Variants in PPP1R36 observed in about 807,000 individuals in gnomAD.
PPP1R36 encodes the protein chromosome 14 open reading frame 50.
A neutral mutation model predicts 53.4 loss-of-function variants in PPP1R36; 47 were observed. That is an observed-to-expected ratio of 0.88 (90% CI 0.70 to 1.12). The LOEUF (loss-of-function observed/expected upper bound fraction) is 1.12, where lower values mean the gene tolerates loss of function less well. PPP1R36 is among the 50% of genes most tolerant of loss of function. The pLI is 0.00. For synonymous variants in PPP1R36, 153 were observed against 170.5 expected (o/e 0.90, Z 0.80); for missense variants, 456 against 513.9 (o/e 0.89, Z 1.09).
Position 64,589,195 on chromosome 14 carries a change from ACG to A in PPP1R36, c.1128_1129del (p.Leu377SerfsTer4), listed in dbSNP as rs866265926. The A allele has an allele frequency of 6.2e-7, 1 of 1,613,856 alleles. No homozygotes were observed. The highest frequency in any genetic ancestry group is 1.3e-5 in the African/African-American group (1 of 74,904). ...GCCTCGATGTCTATTCAACCCACAT[ACG>A]CTTCACCCCCTTGATCCAGAAGAAA... Reference protein sequence around the residue: ...GEPRCLFNPHTLHPLDPEENT... With the variant: ...GEPRCLFNPHXLHPLDPEENT... On this transcript the variant is annotated frameshift_variant, in exon 12 of 12. Coordinates refer to ENST00000298705, the MANE Select transcript of PPP1R36 (RefSeq NM_172365.3). LOFTEE classifies it low-confidence loss of function (END_TRUNC).
chr14:64,565,373 C>G lies in PPP1R36; in HGVS notation c.286C>G (p.Leu96Val), dbSNP rs2080241471. Residue 96 changes from leucine (L) to valine (V), a missense_variant, in exon 5 of 12, where the codon CTT becomes GTT. Transcript: ENST00000298705. The stretch of plus-strand genomic sequence containing the variant: ...CCAAAACAGGTTGACAGATAAAAGA[C>G]TTGCTGCAAAAGATGATAAGTCAGC... ...PASDRLTDKRLAAKDDKSAKA... is the reference protein window; with the variant it reads ...PASDRLTDKRVAAKDDKSAKA... 1 of 1,612,402 alleles carries G rather than the reference C, an allele frequency of 6.2e-7. No individual in the cohort carries two copies. Among genetic ancestry groups the G allele is most frequent in the Non-Finnish European group, 8.5e-7 (1 of 1,178,904 alleles).
At chr14:64,553,739 G>A (rs916131259) in intron 3 of PPP1R36, among the ~76,000 whole-genome samples, 2 of 148,362 alleles carry the variant, frequency 1.3e-5, no homozygotes, top group Non-Finnish European at 3.0e-5. Flanking sequence ...CTGGGTGGTA[G>A]CTTTATGTGT....
chr14:64,578,413 G>A (rs1050635997), intron 8 of PPP1R36, among the ~76,000 whole-genome samples: 2 of 152,172 alleles, frequency 1.3e-5, no homozygotes, highest in Non-Finnish European at 2.9e-5. Context: ...CTTGAAGAGA[G>A]TAGACTAGAA....
At chr14:64,550,098 G>C in intron 1 of PPP1R36, 32 bp downstream of exon 1, 1 of 1,547,394 alleles carries the variant, frequency 6.5e-7, no homozygotes, top group Non-Finnish European at 8.7e-7. Flanking sequence ...CCCATACCCG[G>C]GCTGGGCGCA....
intron 2 of PPP1R36, among the ~76,000 whole-genome samples, chr14:64,551,248 T>C (rs1320075875): frequency 6.6e-6 from 1 of 152,210 alleles, no homozygotes; most frequent in African/African-American, 2.4e-5. Context: ...TTTCAAAGGG[T>C]TCAGCGACTT....
intron 6 of PPP1R36, 107 bp from the exon 7 acceptor site, chr14:64,568,242 T>C: frequency 2.3e-6 from 1 of 437,178 alleles, no homozygotes; most frequent in East Asian, 3.5e-5. Flanking sequence ...ATAACATAGT[T>C]TTCTACTTAT....
rs2140229727 is a variant in PPP1R36 at position 64,565,613 on chromosome 14, T to G, written c.368-13T>G. The G allele has an allele frequency of 6.2e-7, 1 of 1,611,210 alleles. No homozygotes were observed. The highest frequency in any genetic ancestry group is 8.5e-7 in the Non-Finnish European group (1 of 1,177,422). ...CTTTGTCCCTCTCTCAATTGTTCAT[T>G]TTCTCTTTTCAGTTGTTACTTTGCT... On this transcript the variant is annotated splice_polypyrimidine_tract_variant and intron_variant, in intron 5 of 11. Coordinates refer to ENST00000298705, the MANE Select transcript of PPP1R36 (RefSeq NM_172365.3).
chr14:64,565,374 T>A lies in PPP1R36; in HGVS notation c.287T>A (p.Leu96His), dbSNP rs759472363. The A allele has an allele frequency of 1.2e-6, 2 of 1,612,632 alleles. No homozygotes were observed. The highest frequency in any genetic ancestry group is 2.2e-5 in the South Asian group (2 of 90,892). Residue 96 changes from leucine to histidine, a missense_variant, in exon 5 of 12, where the codon CTT becomes CAT. Physicochemically the swap from Leu to His is moderately conservative, Grantham distance 99 (BLOSUM62 -3). Transcript: ENST00000298705. ...PASDRLTDKR[L>H]AAKDDKSAKA... is the part of the protein sequence containing the mutation. ...CAAAACAGGTTGACAGATAAAAGAC[T>A]TGCTGCAAAAGATGATAAGTCAGCT...
chr14:64,561,266 C>T lies in PPP1R36; in HGVS notation c.183-3485C>T, dbSNP rs944657883. Among the ~76,000 whole-genome samples the T allele has an allele frequency of 2.6e-5, 4 of 152,262 alleles. No individual in the cohort carries two copies. In the South Asian group the frequency reaches 8.3e-4, roughly 32 times the overall value. The stretch of plus-strand genomic sequence containing the variant: ...AGAAAAGATGATCCCTTTCCCCTCC[C>T]CCAGCTTGAACTTCCTGACTTCTCT... On this transcript the variant is annotated intron_variant, in intron 3 of 11. Transcript: ENST00000298705.
intron 8 of PPP1R36, among the ~76,000 whole-genome samples, chr14:64,581,539 T>A (rs1287788422): frequency 6.6e-6 from 1 of 151,476 alleles, no homozygotes; most frequent in Non-Finnish European, 1.5e-5. Flanking sequence ...TATCTTCTTA[T>A]CAAGTTGCTC....
intron 3 of PPP1R36, among the ~76,000 whole-genome samples, chr14:64,560,138 C>T (rs1004224832): frequency 3.7e-5 from 5 of 136,218 alleles, no homozygotes; most frequent in African/African-American, 1.4e-4. Context: ...AAAAAAGAAC[C>T]GCATCTTAGA....
chr14:64,550,279 C>A, intron 1 of PPP1R36: 1 of 1,367,760 alleles, frequency 7.3e-7, no homozygotes, highest in South Asian at 1.7e-5. Flanking sequence ...TTCTGGCTCC[C>A]TGCGCAGGTA....
chr14:64,588,375 C>A, intron 11 of PPP1R36, 80 bp downstream of exon 11: 3 of 1,270,960 alleles, frequency 2.4e-6, no homozygotes, highest in South Asian at 2.9e-5. Context: ...GGCCCAGGCA[C>A]CATGCCTCTG....
At chr14:64,588,732 G>A (rs1015159027) in intron 11 of PPP1R36, among the ~76,000 whole-genome samples, 6 of 151,726 alleles carry the variant, frequency 4.0e-5, no homozygotes, top group African/African-American at 1.5e-4. Context: ...GGCTAGTTTT[G>A]TATTTTTAGT....
intron 3 of PPP1R36, among the ~76,000 whole-genome samples, chr14:64,555,327 G>A (rs1484730648): frequency 6.6e-6 from 1 of 152,188 alleles, no homozygotes. Flanking sequence ...CATCGTTCTC[G>A]AACAGTTGTT....
chr14:64,578,376 A>G (rs935365019), intron 8 of PPP1R36, among the ~76,000 whole-genome samples: 1 of 152,212 alleles, frequency 6.6e-6, no homozygotes, highest in African/African-American at 2.4e-5. Context: ...CAACACATTA[A>G]TGGATCTTGA....
chr14:64,560,103 C>CAAAAAAAAAAAAAAAAAAAAAAA, intron 3 of PPP1R36, among the ~76,000 whole-genome samples: 1 of 27,446 alleles, frequency 3.6e-5, no homozygotes. Flanking sequence ...GAATCTGTCA[C>CAAAAAAAAAAAAAAAAAAAAAAA]AAAAAAAAAA....
chr14:64,554,470 ATAGTTCAAACCTATCTGTTACAGATAGT>A (rs1219363186), intron 3 of PPP1R36, among the ~76,000 whole-genome samples: 32 of 152,230 alleles, frequency 2.1e-4, no homozygotes, highest in African/African-American at 6.3e-4. Context: ...ATTTTAACAG[ATAGTTCAAACCTATCTGTTACAGATAGT>A]TAGTTCAAAC....
chr14:64,577,882 C>T (rs1318897873), intron 8 of PPP1R36, among the ~76,000 whole-genome samples: 8 of 151,636 alleles, frequency 5.3e-5, no homozygotes, highest in African/African-American at 1.5e-4. Context: ...CCCGCCACCA[C>T]GCCCGGCTAA....
Sources: allele counts gnomAD v4.1 joint callset (sites outside exome capture counted in the v4.1 genomes callset), GRCh38; gene constraint gnomAD v4.1.1; transcripts MANE v1.5; gene names NCBI Gene and HGNC (gene_info 2026-07-23, HGNC 2026-07-21).